IL1RAPL2: variants seen among roughly 807,000 people sequenced by gnomAD.
The protein encoded by IL1RAPL2 is interleukin 1 receptor accessory protein like 2, also known as X-linked interleukin-1 receptor accessory protein-like 2.
A neutral mutation model predicts 44.1 loss-of-function variants in IL1RAPL2; 3 were observed. The ratio of observed to expected loss-of-function variants is 0.07; its 90% confidence interval spans 0.03 to 0.18. The LOEUF is 0.18. IL1RAPL2 is among the 10% of genes least tolerant of loss of function. IL1RAPL2 has a pLI of 1.00. For synonymous variants in IL1RAPL2, 181 were observed against 178.8 expected (o/e 1.01, Z -0.10); for missense variants, 391 against 496.4 (o/e 0.79, Z 2.02).
At chrX:105,342,815 A>G (rs1205134520) in intron 5 of IL1RAPL2, among the ~76,000 whole-genome samples, 1 of 112,134 alleles carries the variant, frequency 8.9e-6, no homozygotes, top group East Asian at 2.8e-4. Context: ...AATAAGAAGC[A>G]TGTTGCAATT....
intron 2 of IL1RAPL2, among the ~76,000 whole-genome samples, chrX:104,968,024 A>G (rs926527324): frequency 8.9e-6 from 1 of 111,819 alleles, no homozygotes; most frequent in Admixed American, 9.5e-5. Context: ...AGATAAAAAC[A>G]TATATTCCAA....
At chrX:105,035,565 A>C (rs964681042) in intron 2 of IL1RAPL2, among the ~76,000 whole-genome samples, 3 of 112,458 alleles carry the variant, frequency 2.7e-5, no homozygotes, top group African/African-American at 9.7e-5. Context: ...GAATAAAAAA[A>C]ATTAACATGG....
At chrX:105,016,255 G>A (rs919146960) in intron 2 of IL1RAPL2, among the ~76,000 whole-genome samples, 1 of 111,449 alleles carries the variant, frequency 9.0e-6, no homozygotes, top group African/African-American at 3.3e-5. Flanking sequence ...CATGTTATCT[G>A]GAAACAGAGA....
At chrX:105,027,627 ACAT>A (rs1255448485) in intron 2 of IL1RAPL2, among the ~76,000 whole-genome samples, 1 of 111,893 alleles carries the variant, frequency 8.9e-6, no homozygotes, top group African/African-American at 3.2e-5. Flanking sequence ...CTACAATGAG[ACAT>A]CATCTCACCC....
In IL1RAPL2 at chrX:104,835,961, A is replaced by G. The variant is rs762189009; in HGVS notation, c.82+176966A>G. On this transcript the variant is annotated intron_variant, in intron 2 of 10. Coordinates refer to ENST00000372582, the MANE Select transcript of IL1RAPL2 (RefSeq NM_017416.2). ...CTATGTTACTGTTTATCAAGATGTG[A>G]CATTAAAGGGTCAGCTGAAAGGGGC... is the stretch of plus-strand genomic sequence containing the variant. 6.7e-4 allele frequency among the ~76,000 whole-genome samples: 75 copies of G among 111,986 alleles called. 1 individual carries two copies. The highest frequency in any genetic ancestry group is 4.7e-3 in the Middle Eastern group (1 of 215).
intron 4 of IL1RAPL2, among the ~76,000 whole-genome samples, chrX:105,242,002 A>G (rs2034174580): frequency 8.9e-6 from 1 of 111,981 alleles, no homozygotes; most frequent in African/African-American, 3.2e-5. Context: ...TTTTAGTGAA[A>G]AACCCGGTAA....
At chrX:104,908,767 T>C (rs1924125101) in intron 2 of IL1RAPL2, among the ~76,000 whole-genome samples, 2 of 109,001 alleles carry the variant, frequency 1.8e-5, no homozygotes, top group African/African-American at 6.7e-5. Context: ...TTGGTGAATC[T>C]GACAATTTTG....
intron 1 of IL1RAPL2, among the ~76,000 whole-genome samples, chrX:104,616,626 T>C (rs906498143): frequency 1.8e-5 from 2 of 111,984 alleles, no homozygotes; most frequent in Non-Finnish European, 3.8e-5. Flanking sequence ...CAGCTGGCAC[T>C]ACCCAGGTTG....
chrX:105,011,078 C>T, intron 2 of IL1RAPL2, among the ~76,000 whole-genome samples: 2 of 110,719 alleles, frequency 1.8e-5, no homozygotes, highest in South Asian at 7.6e-4. Context: ...GGACTTGACT[C>T]CAAATCCTGG....
rs759772615 is a variant in IL1RAPL2 at position 105,040,293 on chromosome X, C to T, written c.83-155182C>T. Among the ~76,000 whole-genome samples the T allele has an allele frequency of 6.3e-5, 7 of 111,620 alleles. No homozygotes were observed. The East Asian group carries it at 1.4e-3, about 23-fold the overall frequency. On this transcript the variant is annotated intron_variant, in intron 2 of 10. Coordinates refer to ENST00000372582, the MANE Select transcript of IL1RAPL2 (RefSeq NM_017416.2). ...CTGGATTCGGATTGCCAGTATTTTA[C>T]TGAGGATTTTTGCATCAATGTTCAT...
intron 2 of IL1RAPL2, among the ~76,000 whole-genome samples, chrX:104,673,952 T>A (rs1930679848): frequency 9.0e-6 from 1 of 111,383 alleles, no homozygotes; most frequent in Admixed American, 9.5e-5. Flanking sequence ...TGATTTTGTA[T>A]CCTGAGAGTT....
intron 2 of IL1RAPL2, among the ~76,000 whole-genome samples, chrX:105,046,656 T>A (rs2031840648): frequency 9.0e-6 from 1 of 111,175 alleles, no homozygotes; most frequent in African/African-American, 3.3e-5. Flanking sequence ...TAATTTTAAA[T>A]AAAAGAGGTT....
At chrX:105,306,962 T>C (rs779810919) in intron 5 of IL1RAPL2, among the ~76,000 whole-genome samples, 1 of 111,460 alleles carries the variant, frequency 9.0e-6, no homozygotes, top group East Asian at 2.8e-4. Flanking sequence ...CTCAGGAAAC[T>C]TACAATAATG....
chrX:104,664,365 C>A (rs1930453332), intron 2 of IL1RAPL2, among the ~76,000 whole-genome samples: 1 of 110,966 alleles, frequency 9.0e-6, no homozygotes. Flanking sequence ...ATTTTAAATG[C>A]CTTGAACTCT....
intron 2 of IL1RAPL2, among the ~76,000 whole-genome samples, chrX:104,819,933 T>C (rs749140654): frequency 7.2e-5 from 8 of 111,504 alleles, no homozygotes; most frequent in Non-Finnish European, 1.3e-4. Context: ...TAAGTATAAA[T>C]ATGAGGGTTT....
At chrX:104,676,284 G>C (rs1241490323) in intron 2 of IL1RAPL2, among the ~76,000 whole-genome samples, 1 of 111,341 alleles carries the variant, frequency 9.0e-6, no homozygotes, top group Non-Finnish European at 1.9e-5. Flanking sequence ...AGCTCTTTTA[G>C]GGCAGGGCTG....
At chrX:105,256,863 A>G (rs2034319870) in intron 4 of IL1RAPL2, among the ~76,000 whole-genome samples, 1 of 111,305 alleles carries the variant, frequency 9.0e-6, no homozygotes, top group Admixed American at 9.5e-5. Context: ...CTTCTTCTTT[A>G]TTAGTCTAGC....
chrX:105,305,616 T>C (rs2034730388), intron 5 of IL1RAPL2, among the ~76,000 whole-genome samples: 1 of 111,308 alleles, frequency 9.0e-6, no homozygotes, highest in Non-Finnish European at 1.9e-5. Flanking sequence ...ATGCTTAGCA[T>C]TCCCTCCTGA....
At chrX:104,943,265 T>C (rs1440651669) in intron 2 of IL1RAPL2, among the ~76,000 whole-genome samples, 2 of 111,204 alleles carry the variant, frequency 1.8e-5, no homozygotes, top group African/African-American at 6.5e-5. Context: ...TTTCATGGTT[T>C]TAAGCATGTT....
Sources: allele counts gnomAD v4.1 joint callset (sites outside exome capture counted in the v4.1 genomes callset), GRCh38; gene constraint gnomAD v4.1.1; transcripts MANE v1.5; gene names NCBI Gene and HGNC (gene_info 2026-07-23, HGNC 2026-07-21).